Variants in FOLR1 observed in about 807,000 individuals in gnomAD.
The protein encoded by FOLR1 is KB cells FBP.
Under a neutral mutation model 22.8 loss-of-function variants are expected in FOLR1, and 11 were observed. That is an observed-to-expected ratio of 0.48 (90% CI 0.30 to 0.80). FOLR1 has a LOEUF of 0.80. Among genes scored for constraint, FOLR1 ranks in the 30% least tolerant of loss-of-function variants. FOLR1 has a pLI of 0.06. For missense variants in FOLR1, 273 were observed against 320.3 expected (o/e 0.85, Z 1.13); for synonymous variants, 108 against 116.5 (o/e 0.93, Z 0.47).
chr11:72,196,316 T>A (rs1387745759), downstream of FOLR1: 2 of 878,162 alleles, frequency 2.3e-6, no homozygotes, highest in African/African-American at 3.3e-5. Flanking sequence ...TCTTGAGAAT[T>A]ATTTGGATAT....
intron 2 of FOLR1, 59 bp from the exon 3 acceptor site, chr11:72,195,553 G>C: frequency 1.2e-6 from 2 of 1,613,724 alleles, no homozygotes; most frequent in Non-Finnish European, 1.7e-6. Flanking sequence ...AGTTCTATTC[G>C]GGGCTGAGTT....
intron 1 of FOLR1, among the ~76,000 whole-genome samples, chr11:72,192,599 T>A (rs1166822607): frequency 6.6e-6 from 1 of 152,022 alleles, no homozygotes; most frequent in African/African-American, 2.4e-5. Flanking sequence ...GAAGTTGGAG[T>A]GACCCATCCT....
upstream of FOLR1, chr11:72,192,116 G>T: frequency 6.2e-7 from 1 of 1,605,418 alleles, no homozygotes. Context: ...CACAACTTAA[G>T]GCCCCACCTC....
At position 72,195,324 on chromosome 11, in the gene FOLR1, C is replaced by A. The variant is rs1948212598; in HGVS notation, c.222C>A (p.Ala74=). Residue 74 remains alanine, a synonymous_variant, in exon 2 of 4, where the codon GCC becomes GCA. Coordinates refer to ENST00000393676, the MANE Select transcript of FOLR1 (RefSeq NM_016729.3). ...ACCSTNTSQE[A]HKDVSYLYRF... is the part of the protein sequence containing the mutation. ...GTTCTACCAACACCAGCCAGGAAGC[C>A]CATAAGGATGTTTCCTACCTATATA... The A allele has an allele frequency of 1.2e-6, 2 of 1,614,188 alleles. No homozygotes were observed. The highest frequency in any genetic ancestry group is 2.7e-5 in the African/African-American group (2 of 75,046).
rs778286900 is a variant in FOLR1, at chr11:72,195,917, G to T, written c.514G>T (p.Gly172Ter). 6.2e-7 allele frequency: 1 copy of T among 1,614,166 alleles called. No homozygotes were observed. The highest frequency in any genetic ancestry group is 8.5e-7 in the Non-Finnish European group (1 of 1,180,038). ...TACAGGGTTTAACAAGTGCGCAGTG[G>T]GAGCTGCCTGCCAACCTTTCCATTT... ...WTSGFNKCAVGAACQPFHFYF... is the reference protein window; with the variant it reads ...WTSGFNKCAV The change falls in exon 4 of 4, where the codon GGA becomes TGA. Residue 172 changes from glycine (G) to a stop codon, truncating the protein, a stop_gained. Coordinates refer to ENST00000393676, the MANE Select transcript of FOLR1 (RefSeq NM_016729.3). LOFTEE classifies it low-confidence loss of function (END_TRUNC).
upstream of FOLR1, among the ~76,000 whole-genome samples, chr11:72,190,808 C>T (rs1484141020): frequency 3.3e-5 from 5 of 152,166 alleles, no homozygotes; most frequent in African/African-American, 1.2e-4. Context: ...TATATGAGCC[C>T]TGCTGTGCAG....
In FOLR1 at chr11:72,196,288, C is replaced by T. The variant is rs529267619; in HGVS notation, c.*111C>T. Reference sequence around the variant, plus strand: ...GCCTCTGACAGCCACTTTGAATAAACCAGACACCGCACATGTGTCTTGAGA... The same window carrying T: ...GCCTCTGACAGCCACTTTGAATAAATCAGACACCGCACATGTGTCTTGAGA... On this transcript the variant is annotated 3_prime_UTR_variant, in exon 4 of 4. Transcript: ENST00000393676. The T allele has an allele frequency of 6.7e-6, 7 of 1,047,132 alleles. No individual in the cohort carries two copies. The African/African-American group carries it at 1.1e-4, about 16-fold the overall frequency. The allele number at this position is 1,047,132 out of a possible 1,614,324, so 64.9% of individuals were successfully genotyped here. A position where few individuals can be genotyped will look rare whatever the true frequency, so the allele number is the denominator to read the frequency against.
upstream of FOLR1, chr11:72,190,471 G>C (rs936814331): frequency 1.3e-5 from 2 of 152,220 alleles, no homozygotes; most frequent in African/African-American, 4.8e-5. Context: ...AAGATAGTTT[G>C]CTTCTCTTTC....
At chr11:72,195,006 C>T (rs1948207807) in intron 1 of FOLR1, among the ~76,000 whole-genome samples, 1 of 152,184 alleles carries the variant, frequency 6.6e-6, no homozygotes, top group South Asian at 2.1e-4. Context: ...TACAAAAGTA[C>T]CTGGGTGAGA....
intron 1 of FOLR1, among the ~76,000 whole-genome samples, chr11:72,193,771 T>TTTTATTTA (rs57593168): frequency 1.8e-4 from 27 of 148,068 alleles, no homozygotes; most frequent in African/African-American, 2.5e-4. Flanking sequence ...TAAGTGCACA[T>TTTTATTTA]TTTATTTATT....
upstream of FOLR1, chr11:72,190,174 G>C (rs1417144547): frequency 1.3e-5 from 2 of 152,298 alleles, no homozygotes; most frequent in Non-Finnish European, 2.9e-5. Context: ...CACAGCAAGA[G>C]AGACTACTGA....
intron 2 of FOLR1, 23 bp downstream of exon 2, chr11:72,195,482 A>G (rs1948216913): frequency 1.2e-6 from 2 of 1,613,850 alleles, no homozygotes; most frequent in Non-Finnish European, 1.7e-6. Context: ...TCCTGCAGGT[A>G]CAAGACCTAG....
chr11:72,194,439 G>A (rs541651726), intron 1 of FOLR1, among the ~76,000 whole-genome samples: 7 of 152,090 alleles, frequency 4.6e-5, no homozygotes, highest in Admixed American at 1.3e-4. Flanking sequence ...TTGCTCTGTC[G>A]CCCAGGCTGG....
chr11:72,194,903 G>A (rs1235098640), intron 1 of FOLR1, among the ~76,000 whole-genome samples: 4 of 152,126 alleles, frequency 2.6e-5, no homozygotes, highest in African/African-American at 4.8e-5. Context: ...TAATCTGACC[G>A]CACTATTACA....
chr11:72,191,228 T>C (rs1384819829), upstream of FOLR1, among the ~76,000 whole-genome samples: 1 of 152,060 alleles, frequency 6.6e-6, no homozygotes, highest in African/African-American at 2.4e-5. Context: ...CCCACCAAGA[T>C]CCCATGGTTT....
At chr11:72,191,361 TA>T (rs1460944442), upstream of FOLR1, among the ~76,000 whole-genome samples, 1 of 151,776 alleles carries the variant, frequency 6.6e-6, no homozygotes, top group Admixed American at 6.6e-5. Context: ...AACATTTTTA[TA>T]AACTTTTTTT....
intron 1 of FOLR1, 101 bp downstream of exon 1, chr11:72,192,442 G>C: frequency 7.7e-7 from 1 of 1,298,886 alleles, no homozygotes; most frequent in Non-Finnish European, 1.1e-6. Flanking sequence ...CTGAAGTGGA[G>C]GAGCCCTTCA....
At position 72,196,199 on chromosome 11, in the gene FOLR1, C is replaced by T; in HGVS notation, c.*22C>T. On this transcript the variant is annotated 3_prime_UTR_variant, in exon 4 of 4. Coordinates refer to ENST00000393676, the MANE Select transcript of FOLR1 (RefSeq NM_016729.3). Reference sequence around the variant, plus strand: ...CTGACCTCCTTTTACCTTCTGATACCTGGAAATCCCTGCCCTGTTCAGCCC... The same window carrying T: ...CTGACCTCCTTTTACCTTCTGATACTTGGAAATCCCTGCCCTGTTCAGCCC... 1.2e-6 allele frequency: 2 copies of T among 1,613,810 alleles called. No homozygotes were observed. The highest frequency in any genetic ancestry group is 1.3e-5 in the African/African-American group (1 of 75,038).
chr11:72,195,652 C>T lies in FOLR1; in HGVS notation c.398C>T (p.Pro133Leu). Reference sequence around the variant, plus strand: ...CGCAAAGAGCGGGTACTGAACGTGCCCCTGTGCAAAGAGGACTGTGAGCAA... The same window carrying T: ...CGCAAAGAGCGGGTACTGAACGTGCTCCTGTGCAAAGAGGACTGTGAGCAA... ...SWRKERVLNV[P>L]LCKEDCEQWW... Residue 133 changes from proline to leucine, a missense_variant, in exon 3 of 4, where the codon CCC becomes CTC. Physicochemically the swap from Pro to Leu is moderately conservative, Grantham distance 98 (BLOSUM62 -3). Transcript: ENST00000393676. 6.2e-7 allele frequency: 1 copy of T among 1,614,180 alleles called. No individual in the cohort carries two copies. Among genetic ancestry groups the T allele is most frequent in the Non-Finnish European group, 8.5e-7 (1 of 1,180,030 alleles).
Sources: gnomAD v4.1 joint callset for allele counts (sites outside exome capture counted in the v4.1 genomes callset) on GRCh38, gnomAD v4.1.1 for gene constraint, MANE v1.5 for transcripts, NCBI Gene and HGNC (gene_info 2026-07-23, HGNC 2026-07-21) for gene names.